The following ADAMTS2 variants were observed in gnomAD, a reference collection of about 807,000 sequenced individuals.
ADAMTS2 encodes the protein A disintegrin and metalloproteinase with thrombospondin motifs 2.
In ADAMTS2, 50 loss-of-function variants were observed where a neutral mutation model predicts 123.0. The ratio of observed to expected loss-of-function variants is 0.41; its 90% CI spans 0.32 to 0.51. The LOEUF (loss-of-function observed/expected upper bound fraction) is 0.51, where lower values mean the gene tolerates loss of function less well. Among genes scored for constraint, ADAMTS2 ranks in the 20% least tolerant of loss-of-function variants. ADAMTS2 has a pLI of 0.35. For missense variants in ADAMTS2, 1,494 were observed against 1,705.2 expected, an observed-to-expected ratio of 0.88 and a Z score of 2.18; for synonymous variants, 678 against 695.4, an observed-to-expected ratio of 0.98 and a Z score of 0.39.
At chr5:179,337,752 G>T (rs763544632) in intron 2 of ADAMTS2, among the ~76,000 whole-genome samples, 1 of 152,240 alleles carries the variant, frequency 6.6e-6, no homozygotes, top group Non-Finnish European at 1.5e-5. Context: ...AGCCAGCCTC[G>T]CTGCTGAGCG....
At chr5:179,220,331 C>T (rs542215819) in intron 3 of ADAMTS2, among the ~76,000 whole-genome samples, 142 of 152,258 alleles carry the variant, frequency 9.3e-4, no homozygotes, top group African/African-American at 3.3e-3. Flanking sequence ...CCCATGTGGC[C>T]GGAGGCTTGG....
At chr5:179,269,688 A>G (rs553625371) in intron 3 of ADAMTS2, among the ~76,000 whole-genome samples, 5 of 151,832 alleles carry the variant, frequency 3.3e-5, no homozygotes, top group African/African-American at 1.2e-4. Context: ...CTCCGTGAGG[A>G]CTCCCTCCTC....
chr5:179,241,434 C>T (rs771016627), intron 3 of ADAMTS2, among the ~76,000 whole-genome samples: 12 of 152,214 alleles, frequency 7.9e-5, no homozygotes, highest in Middle Eastern at 3.2e-3. Context: ...CGGGCTTCCA[C>T]GTCCAGCAAA....
intron 4 of ADAMTS2, among the ~76,000 whole-genome samples, chr5:179,194,973 G>A (rs1041066867): frequency 6.6e-6 from 1 of 152,210 alleles, no homozygotes. Context: ...TCTGCGCACT[G>A]CGATTCACGA....
At chr5:179,178,436 T>C (rs1763978074) in intron 5 of ADAMTS2, among the ~76,000 whole-genome samples, 1 of 152,216 alleles carries the variant, frequency 6.6e-6, no homozygotes, top group Non-Finnish European at 1.5e-5. Context: ...GAGGATGCCC[T>C]GCACATCCCT....
chr5:179,204,680 C>T (rs72818633), intron 4 of ADAMTS2, among the ~76,000 whole-genome samples: 17,503 of 152,262 alleles, frequency 0.11, 1,087 homozygotes, highest in South Asian at 0.14. Context: ...GGACGCAGGG[C>T]ATTCATCGTC....
At chr5:179,233,488 C>G (rs1277238731) in intron 3 of ADAMTS2, among the ~76,000 whole-genome samples, 1 of 152,204 alleles carries the variant, frequency 6.6e-6, no homozygotes, top group Non-Finnish European at 1.5e-5. Flanking sequence ...GAGTTCAAGA[C>G]CAGCCTGGCC....
intron 10 of ADAMTS2, 44 bp from the exon 11 acceptor site, chr5:179,140,079 G>A (rs1159359463): frequency 3.7e-6 from 6 of 1,612,892 alleles, no homozygotes; most frequent in Admixed American, 1.7e-5. Context: ...CTCACACCGG[G>A]CCGTGGGGAC....
intron 3 of ADAMTS2, among the ~76,000 whole-genome samples, chr5:179,210,380 A>C (rs1372612093): frequency 1.3e-5 from 2 of 152,256 alleles, no homozygotes; most frequent in Non-Finnish European, 2.9e-5. Context: ...GTTTTTAACT[A>C]AACTGTGTGT....
chr5:179,210,121 C>A (rs545926561), intron 3 of ADAMTS2, among the ~76,000 whole-genome samples: 10 of 152,288 alleles, frequency 6.6e-5, no homozygotes, highest in African/African-American at 2.4e-4. Context: ...CAGGGGTAGC[C>A]CGGGTCTGTG....
chr5:179,322,005 A>C (rs941808374), intron 2 of ADAMTS2, among the ~76,000 whole-genome samples: 1 of 152,252 alleles, frequency 6.6e-6, no homozygotes, highest in African/African-American at 2.4e-5. Context: ...GGGCAGAGGC[A>C]GATCACAAAG....
rs34151344 is a variant in ADAMTS2, at chr5:179,158,282, G to A, written c.1132+441C>T. Among the ~76,000 whole-genome samples the A allele has an allele frequency of 1.7e-3, 252 of 152,212 alleles. 1 individual carries two copies. Among genetic ancestry groups the A allele is most frequent in the Non-Finnish European group, 2.5e-3 (167 of 68,016 alleles). On this transcript the variant is annotated intron_variant, in intron 6 of 21. Transcript: ENST00000251582. The surrounding 1 kb of genome is among the most constrained non-coding windows in gnomAD (Gnocchi z 5.0). ...GCCCGGCCTTTTGTCTCTTTTTAAAGAAAACATCTCTTACTCCAAGAACAT... is the reference window on the plus strand; with the variant it reads ...GCCCGGCCTTTTGTCTCTTTTTAAAAAAAACATCTCTTACTCCAAGAACAT...
chr5:179,122,505 GC>G, intron 20 of ADAMTS2, 138 bp downstream of exon 20: 1 of 1,289,510 alleles, frequency 7.8e-7, no homozygotes. Flanking sequence ...GGCCTGCAGT[GC>G]CCCGCTTCTC....
intron 3 of ADAMTS2, among the ~76,000 whole-genome samples, chr5:179,209,556 A>ACG (rs1764802657): frequency 2.7e-5 from 4 of 150,818 alleles, no homozygotes; most frequent in South Asian, 4.2e-4. Flanking sequence ...ATGTACACAC[A>ACG]CACAAGCACA....
intron 3 of ADAMTS2, among the ~76,000 whole-genome samples, chr5:179,210,847 C>A (rs1051405745): frequency 1.3e-5 from 2 of 152,248 alleles, no homozygotes; most frequent in Non-Finnish European, 2.9e-5. Context: ...TCAGTTTTCC[C>A]CACAATAAGA....
intron 12 of ADAMTS2, 137 bp downstream of exon 12, chr5:179,137,632 C>T: frequency 1.6e-6 from 2 of 1,230,798 alleles, no homozygotes; most frequent in Non-Finnish European, 2.3e-6. Flanking sequence ...GCAGCCACAC[C>T]AGCCAGGGTG....
intron 3 of ADAMTS2, among the ~76,000 whole-genome samples, chr5:179,247,185 A>T (rs998786715): frequency 6.6e-6 from 1 of 152,210 alleles, no homozygotes; most frequent in Non-Finnish European, 1.5e-5. Flanking sequence ...GAATATCAAT[A>T]AAGAAATAGA....
Position 179,293,341 on chromosome 5 carries a change from T to C in ADAMTS2, c.535-20277A>G, listed in dbSNP as rs145437800. Among the ~76,000 whole-genome samples, 221 of 152,358 alleles carry C rather than the reference T, an allele frequency of 1.5e-3. 4 individuals carry two copies. Among genetic ancestry groups the C allele is most frequent in the African/African-American group, 4.7e-3 (196 of 41,584 alleles). On this transcript the variant is annotated intron_variant, in intron 2 of 21. Transcript: ENST00000251582. Reference sequence around the variant, plus strand: ...CAGCCTCTGATTCTTGCAGGCTTTGTTTATGGATCAGAAATCAGGCTTGAA... The same window carrying C: ...CAGCCTCTGATTCTTGCAGGCTTTGCTTATGGATCAGAAATCAGGCTTGAA...
intron 4 of ADAMTS2, among the ~76,000 whole-genome samples, chr5:179,192,042 C>G (rs1764317758): frequency 6.6e-6 from 1 of 152,114 alleles, no homozygotes; most frequent in African/African-American, 2.4e-5. Context: ...CAGACCCGAC[C>G]ACCTCAGAGC....
Sources: gnomAD v4.1 joint callset for allele counts (sites outside exome capture counted in the v4.1 genomes callset) on GRCh38, gnomAD v4.1.1 for gene constraint, Gnocchi (gnomAD v3.1) non-coding constraint, MANE v1.5 for transcripts, NCBI Gene and HGNC (gene_info 2026-07-23, HGNC 2026-07-21) for gene names.